Variants in IL1RAPL2 observed in about 807,000 individuals in gnomAD.
IL1RAPL2 encodes the protein X-linked interleukin-1 receptor accessory protein-like 2.
Under a neutral mutation model 44.1 loss-of-function variants are expected in IL1RAPL2, and 3 were observed. The observed-to-expected ratio is 0.07, with a 90% CI of 0.03 to 0.18. The LOEUF (loss-of-function observed/expected upper bound fraction) is 0.18. Among genes scored for constraint, IL1RAPL2 ranks in the 10% least tolerant of loss-of-function variants. The pLI is 1.00. For synonymous variants in IL1RAPL2, 181 were observed against 178.8 expected (o/e 1.01, Z -0.10); for missense variants, 391 against 496.4 (o/e 0.79, Z 2.02).
rs199571900 is a variant in IL1RAPL2, at chrX:104,981,055, T to TTGTGTGTGTG, written c.83-214394_83-214385dup. On this transcript the variant is annotated intron_variant, in intron 2 of 10. Transcript: ENST00000372582. ...TCCTGGTTAGCTGTATTCCAAGGTA[T>TTGTGTGTGTG]TGTGTGTGTGTGTGTGTGTGTGTGT... Among the ~76,000 whole-genome samples, 200 of 97,390 alleles carry TTGTGTGTGTG rather than the reference T, an allele frequency of 2.1e-3. 1 individual carries two copies. Among genetic ancestry groups the TTGTGTGTGTG allele is most frequent in the African/African-American group, 7.5e-3 (191 of 25,456 alleles). 84.6% of individuals were successfully genotyped at this position (97,390 alleles called of 115,157 possible).
intron 2 of IL1RAPL2, among the ~76,000 whole-genome samples, chrX:104,997,395 TAA>T (rs2030768327): frequency 8.9e-6 from 1 of 111,867 alleles, no homozygotes; most frequent in Admixed American, 9.5e-5. Flanking sequence ...TTAGAAAGTT[TAA>T]AGTTACATTA....
At chrX:105,378,947 A>G in intron 5 of IL1RAPL2, among the ~76,000 whole-genome samples, 1 of 112,046 alleles carries the variant, frequency 8.9e-6, no homozygotes, top group Non-Finnish European at 1.9e-5. Context: ...TCTTAGAATC[A>G]GGAAACTTGC....
intron 2 of IL1RAPL2, among the ~76,000 whole-genome samples, chrX:105,060,585 C>CTTTTTTTTTTTTTTTTTTTTTTTT (rs1161187469): frequency 1.1e-3 from 75 of 70,090 alleles, no homozygotes; most frequent in Non-Finnish European, 1.4e-3. Context: ...TTTTCTTTTT[C>CTTTTTTTTTTTTTTTTTTTTTTTT]TTTTTTTTTT....
chrX:104,872,230 G>T (rs1922783278), intron 2 of IL1RAPL2, among the ~76,000 whole-genome samples: 1 of 111,992 alleles, frequency 8.9e-6, no homozygotes, highest in Non-Finnish European at 1.9e-5. Context: ...AAATGTGAAG[G>T]ACCTGGACTC....
At chrX:105,009,458 A>C (rs1318905415) in intron 2 of IL1RAPL2, among the ~76,000 whole-genome samples, 5 of 108,708 alleles carry the variant, frequency 4.6e-5, no homozygotes, top group East Asian at 5.8e-4. Flanking sequence ...AGGGACATGG[A>C]TGAAGCTGGA....
chrX:104,925,093 A>G (rs1924741369), intron 2 of IL1RAPL2, among the ~76,000 whole-genome samples: 1 of 109,264 alleles, frequency 9.2e-6, no homozygotes, highest in African/African-American at 3.3e-5. Flanking sequence ...AAACTAGAAA[A>G]CCTAGAGGAA....
At chrX:104,761,836 C>T (rs983575888) in intron 2 of IL1RAPL2, among the ~76,000 whole-genome samples, 2 of 65,018 alleles carry the variant, frequency 3.1e-5, no homozygotes, top group Admixed American at 1.5e-4. Context: ...TCCTTCTTCT[C>T]CTTCTCCTTC....
chrX:104,860,966 A>G (rs888636782), intron 2 of IL1RAPL2, among the ~76,000 whole-genome samples: 2 of 110,808 alleles, frequency 1.8e-5, no homozygotes, highest in African/African-American at 6.5e-5. Flanking sequence ...CCCTCCTTTG[A>G]CTTTGTCCTT....
At chrX:104,895,082 CG>C (rs980694283) in intron 2 of IL1RAPL2, among the ~76,000 whole-genome samples, 1 of 112,364 alleles carries the variant, frequency 8.9e-6, no homozygotes, top group African/African-American at 3.2e-5. Context: ...GTATCAGCAG[CG>C]GAGGCTGCAG....
intron 2 of IL1RAPL2, among the ~76,000 whole-genome samples, chrX:104,761,640 C>A (rs1020997054): frequency 4.5e-5 from 5 of 111,832 alleles, no homozygotes; most frequent in Non-Finnish European, 9.4e-5. Context: ...TCCCTTCCAC[C>A]TATGAGCCTG....
chrX:105,296,066 T>C (rs1206807288), intron 5 of IL1RAPL2, among the ~76,000 whole-genome samples: 1 of 111,586 alleles, frequency 9.0e-6, no homozygotes, highest in African/African-American at 3.3e-5. Context: ...TTATTTAATA[T>C]TAATTTAGCA....
intron 1 of IL1RAPL2, among the ~76,000 whole-genome samples, chrX:104,634,194 C>T (rs779306741): frequency 1.8e-5 from 2 of 111,569 alleles, no homozygotes; most frequent in East Asian, 5.6e-4. Context: ...TTTGATTGCA[C>T]TGTGGTCTGA....
At chrX:105,219,969 T>C (rs782165401) in intron 3 of IL1RAPL2, 1 of 1,197,903 alleles carries the variant, frequency 8.3e-7, no homozygotes, top group Non-Finnish European at 1.1e-6. Context: ...TCACCTTGTC[T>C]CTCTCTTTCT....
chrX:105,145,498 C>T (rs2147585938), intron 2 of IL1RAPL2, among the ~76,000 whole-genome samples: 1 of 111,692 alleles, frequency 9.0e-6, no homozygotes, highest in African/African-American at 3.3e-5. Context: ...CTAAGAATAG[C>T]ATTAGCAGGG....
chrX:105,435,736 T>G (rs776975717), intron 5 of IL1RAPL2, among the ~76,000 whole-genome samples: 5 of 111,709 alleles, frequency 4.5e-5, no homozygotes, highest in African/African-American at 1.6e-4. Context: ...GATCATGTCC[T>G]TTGCAGTTAC....
At chrX:104,643,529 G>A (rs1271841741) in intron 1 of IL1RAPL2, among the ~76,000 whole-genome samples, 1 of 111,242 alleles carries the variant, frequency 9.0e-6, no homozygotes, top group Non-Finnish European at 1.9e-5. Flanking sequence ...GCCTTAAAGA[G>A]GTTAAAACAG....
intron 1 of IL1RAPL2, among the ~76,000 whole-genome samples, chrX:104,592,355 T>C (rs1928685783): frequency 9.0e-6 from 1 of 110,565 alleles, no homozygotes; most frequent in Non-Finnish European, 1.9e-5. Context: ...TACATTGTGC[T>C]TATCAGTTGC....
At chrX:104,670,469 C>G (rs976799103) in intron 2 of IL1RAPL2, among the ~76,000 whole-genome samples, 6 of 111,593 alleles carry the variant, frequency 5.4e-5, no homozygotes, top group Non-Finnish European at 7.5e-5. Flanking sequence ...CAAATGTTAT[C>G]TCCTCTGGCA....
intron 1 of IL1RAPL2, among the ~76,000 whole-genome samples, chrX:104,610,387 T>C (rs1403878662): frequency 9.0e-6 from 1 of 111,403 alleles, no homozygotes; most frequent in Non-Finnish European, 1.9e-5. Flanking sequence ...AAAACCCCAT[T>C]GTCTCAGCCC....
Sources: allele counts gnomAD v4.1 joint callset (sites outside exome capture counted in the v4.1 genomes callset), GRCh38; gene constraint gnomAD v4.1.1; transcripts MANE v1.5; gene names NCBI Gene and HGNC (gene_info 2026-07-23, HGNC 2026-07-21).